The following ZMYND11 variants were observed in gnomAD, a reference collection of about 807,000 sequenced individuals.
The protein encoded by ZMYND11 is zinc finger MYND domain-containing protein 11.
A neutral mutation model predicts 84.9 loss-of-function variants in ZMYND11; 9 were observed. The observed-to-expected ratio is 0.11, with a 90% CI of 0.06 to 0.18. ZMYND11 has a LOEUF of 0.18. ZMYND11 is among the 10% of genes least tolerant of loss of function. ZMYND11 has a pLI of 1.00. For synonymous variants in ZMYND11, 250 were observed against 244.1 expected, an observed-to-expected ratio of 1.02 and a Z score of -0.23; for missense variants, 409 against 761.0, an observed-to-expected ratio of 0.54 and a Z score of 5.44.
rs370482047 is a variant in ZMYND11, at chr10:168,039, G to C, written c.-19-11955G>C. Among the ~76,000 whole-genome samples, 48 of 152,176 alleles carry C rather than the reference G, an allele frequency of 3.2e-4. 1 individual carries two copies. The South Asian group carries it at 9.7e-3, about 31-fold the overall frequency. ...AACATCTCAGGTTTGGCTGGGGAGA[G>C]TGTTGAATCAGTAAGTATTTATTTA... On this transcript the variant is annotated intron_variant, in intron 1 of 14. Coordinates refer to ENST00000381604, the MANE Select transcript of ZMYND11 (RefSeq NM_001370100.5).
At chr10:242,224 A>C (rs1388007435) in intron 10 of ZMYND11, 85 bp downstream of exon 10, 1 of 1,516,612 alleles carries the variant, frequency 6.6e-7, no homozygotes, top group Non-Finnish European at 8.9e-7. Context: ...TCAGAGATGC[A>C]TGAAGTTTAT....
intron 4 of ZMYND11, among the ~76,000 whole-genome samples, chr10:231,304 T>C (rs1948983289): frequency 6.6e-6 from 1 of 152,226 alleles, no homozygotes; most frequent in Non-Finnish European, 1.5e-5. Context: ...TTTGAAGCCC[T>C]TGTCTCATTT....
At chr10:247,739 G>A (rs77443097) in intron 12 of ZMYND11, among the ~76,000 whole-genome samples, 1,985 of 152,280 alleles carry the variant, frequency 0.013, 22 homozygotes, top group Non-Finnish European at 0.019. Context: ...AGGGCACATT[G>A]CTATTAATAC....
chr10:147,501 A>G (rs1839176887), intron 1 of ZMYND11, among the ~76,000 whole-genome samples: 1 of 151,898 alleles, frequency 6.6e-6, no homozygotes. Context: ...TGAAGTGGGC[A>G]GAGGTATATG....
intron 2 of ZMYND11, among the ~76,000 whole-genome samples, chr10:195,225 T>C (rs1354278769): frequency 6.6e-6 from 1 of 152,178 alleles, no homozygotes; most frequent in Non-Finnish European, 1.5e-5. Flanking sequence ...ATAAAGACTT[T>C]TGTAGACAAA....
At chr10:178,720 T>C (rs1181062228) in intron 1 of ZMYND11, among the ~76,000 whole-genome samples, 2 of 152,214 alleles carry the variant, frequency 1.3e-5, no homozygotes, top group Non-Finnish European at 2.9e-5. Flanking sequence ...TTAGAAGTAA[T>C]AGTGTGAGAA....
At chr10:136,216 C>G (rs1033040685) in intron 1 of ZMYND11, among the ~76,000 whole-genome samples, 1 of 152,166 alleles carries the variant, frequency 6.6e-6, no homozygotes, top group Non-Finnish European at 1.5e-5. Context: ...CGGGGAGAAG[C>G]TGCTGAGGAC....
upstream of ZMYND11, among the ~76,000 whole-genome samples, chr10:130,521 C>A (rs1241737456): frequency 6.6e-6 from 1 of 152,162 alleles, no homozygotes; most frequent in African/African-American, 2.4e-5. Flanking sequence ...TCCAAGCAGG[C>A]AGTATTATAA....
At chr10:181,912 A>AT (rs1847966970) in intron 2 of ZMYND11, among the ~76,000 whole-genome samples, 1 of 152,304 alleles carries the variant, frequency 6.6e-6, no homozygotes, top group South Asian at 2.1e-4. Context: ...TTTTAAAAAA[A>AT]CTCAGAGTAC....
chr10:144,389 T>G (rs1204185579), intron 1 of ZMYND11, among the ~76,000 whole-genome samples: 5 of 152,040 alleles, frequency 3.3e-5, no homozygotes, highest in Non-Finnish European at 7.4e-5. Flanking sequence ...TGGCTAATTT[T>G]TGTATTTTTT....
chr10:247,609 C>A, intron 12 of ZMYND11, 143 bp downstream of exon 12: 1 of 888,646 alleles, frequency 1.1e-6, no homozygotes, highest in Non-Finnish European at 1.8e-6. Context: ...AAATCATATC[C>A]ATCAAGTTGA....
intron 1 of ZMYND11, among the ~76,000 whole-genome samples, chr10:173,751 T>C (rs958458019): frequency 2.0e-5 from 3 of 152,178 alleles, no homozygotes; most frequent in Non-Finnish European, 2.9e-5. Context: ...GCAAAAGACC[T>C]GGCTGGACAC....
chr10:245,268 CTGT>C (rs1410400626), intron 10 of ZMYND11, among the ~76,000 whole-genome samples: 7 of 152,040 alleles, frequency 4.6e-5, no homozygotes, highest in South Asian at 2.1e-4. Flanking sequence ...ACAATTTTAG[CTGT>C]TGTTAGCATC....
intron 2 of ZMYND11, among the ~76,000 whole-genome samples, chr10:199,038 G>A (rs1160137136): frequency 6.6e-6 from 1 of 152,180 alleles, no homozygotes; most frequent in Non-Finnish European, 1.5e-5. Flanking sequence ...CTGAATTACA[G>A]TTTTTGTCTC....
At chr10:210,628 C>G (rs1371563794) in intron 3 of ZMYND11, among the ~76,000 whole-genome samples, 23 of 152,196 alleles carry the variant, frequency 1.5e-4, no homozygotes, top group Non-Finnish European at 2.9e-5. Flanking sequence ...ACGTTTTTAC[C>G]TAGTTCTCAC....
intron 1 of ZMYND11, among the ~76,000 whole-genome samples, chr10:175,160 G>C (rs138490757): frequency 3.9e-5 from 6 of 152,328 alleles, no homozygotes; most frequent in African/African-American, 1.4e-4. Context: ...TATTGCTCTG[G>C]TGTGGGATGT....
rs1311641406 is a variant in ZMYND11, at chr10:247,384, T to G, written c.1159-14T>G. ...AGTGTCTGGAATAATATATTACTTT[T>G]ATAATGCCCACAGCTAAAGGTCACT... On this transcript the variant is annotated splice_polypyrimidine_tract_variant and intron_variant, in intron 11 of 14. Coordinates refer to ENST00000381604, the MANE Select transcript of ZMYND11 (RefSeq NM_001370100.5). 2 of 1,613,602 alleles carry G rather than the reference T, an allele frequency of 1.2e-6. No individual in the cohort carries two copies. The highest frequency in any genetic ancestry group is 1.3e-5 in the African/African-American group (1 of 74,898).
chr10:150,691 G>A (rs2890066), intron 1 of ZMYND11, among the ~76,000 whole-genome samples: 6,080 of 152,220 alleles, frequency 0.04, 391 homozygotes, highest in African/African-American at 0.13. Flanking sequence ...CAACAGAAAC[G>A]TCTGCACACT....
intron 2 of ZMYND11, among the ~76,000 whole-genome samples, chr10:205,240 T>C (rs144857623): frequency 5.3e-5 from 8 of 152,362 alleles, no homozygotes; most frequent in African/African-American, 1.9e-4. Context: ...TCATAGTGTT[T>C]ATATTTTTAC....
Sources: allele counts gnomAD v4.1 joint callset (sites outside exome capture counted in the v4.1 genomes callset), GRCh38; gene constraint gnomAD v4.1.1; transcripts MANE v1.5; gene names NCBI Gene and HGNC (gene_info 2026-07-23, HGNC 2026-07-21).